The following NUDT12 variants were observed in gnomAD, a reference collection of about 807,000 sequenced individuals.
NUDT12 encodes nudix hydrolase 12.
In NUDT12, 42 loss-of-function variants were observed where a neutral mutation model predicts 45.7. That is an observed-to-expected ratio of 0.92 (90% CI 0.72 to 1.19). NUDT12 has a LOEUF of 1.19. Among genes scored for constraint, NUDT12 ranks in the 50% most tolerant of loss-of-function variants. The pLI is 0.00. For synonymous variants in NUDT12, 206 were observed against 179.7 expected, an observed-to-expected ratio of 1.15 and a Z score of -1.17; for missense variants, 590 against 533.1, an observed-to-expected ratio of 1.11 and a Z score of -1.05.
chr5:103,552,332 T>G lies in NUDT12; in HGVS notation c.1163A>C (p.Gln388Pro). 6.2e-7 allele frequency: 1 copy of G among 1,613,956 alleles called. No individual in the cohort carries two copies. Among genetic ancestry groups the G allele is most frequent in the Non-Finnish European group, 8.5e-7 (1 of 1,179,888 alleles). Residue 388 changes from glutamine to proline, a missense_variant, in exon 6 of 7, where the codon CAA becomes CCA. By Grantham distance (76) the Gln-to-Pro change is moderately conservative. Coordinates refer to ENST00000230792, the MANE Select transcript of NUDT12 (RefSeq NM_031438.4). Reference protein sequence around the residue: ...KVGHVQYVACQPWPMPSSLMI... With the variant: ...KVGHVQYVACPPWPMPSSLMI... The stretch of plus-strand genomic sequence containing the variant: ...TAAGGAGGAAGGCATTGGCCATGGT[T>G]GACAAGCAACATACTGAACATGGCC...
intron 3 of NUDT12, among the ~76,000 whole-genome samples, 189 bp from the exon 4 acceptor site, chr5:103,556,287 T>G (rs1232689114): frequency 6.7e-6 from 1 of 148,640 alleles, no homozygotes; most frequent in Non-Finnish European, 1.5e-5. Context: ...AATTAGATTT[T>G]TTTGTTTGAA....
chr5:103,558,453 G>A (rs1034470911), intron 3 of NUDT12, among the ~76,000 whole-genome samples: 4 of 152,028 alleles, frequency 2.6e-5, no homozygotes, highest in Admixed American at 1.3e-4. Flanking sequence ...CAGCCAGTGT[G>A]CAGTGTCTTT....
chr5:103,558,971 A>G lies in NUDT12; in HGVS notation c.704T>C (p.Ile235Thr). 4 of 1,613,430 alleles carry G rather than the reference A, an allele frequency of 2.5e-6. No individual in the cohort carries two copies. Among genetic ancestry groups the G allele is most frequent in the Middle Eastern group, 1.6e-4 (1 of 6,062 alleles). Residue 235 changes from isoleucine (I) to threonine (T), a missense_variant, in exon 3 of 7, where the codon ATT becomes ACT. Transcript: ENST00000230792. The part of the protein sequence containing the change: ...VAWFALGIDP[I>T]AAEEFKQRHE... ...TCTTTGCTTGAATTCTTCAGCAGCA[A>G]TAGGATCTATACCTAGAGCAAACCA...
intron 5 of NUDT12, 116 bp from the exon 6 acceptor site, chr5:103,552,532 A>G: frequency 1.4e-6 from 1 of 719,686 alleles, no homozygotes; most frequent in Non-Finnish European, 2.3e-6. Flanking sequence ...GCAAATAATC[A>G]GAAAGCAGAA....
At position 103,552,358 on chromosome 5, in the gene NUDT12, A is replaced by G. The variant is rs530772525; in HGVS notation, c.1137T>C (p.Val379=). 5.0e-6 allele frequency: 8 copies of G among 1,613,970 alleles called. No homozygotes were observed. The East Asian group carries it at 6.7e-5, about 13-fold the overall frequency. ...REVEEESGVK[V]GHVQYVACQP... is the part of the protein sequence containing the mutation. The stretch of plus-strand genomic sequence containing the variant: ...GACAAGCAACATACTGAACATGGCC[A>G]ACTTTGACTCCACTTTCCTCTTCTA... Residue 379 remains valine, a synonymous_variant, in exon 6 of 7, where the codon GTT becomes GTC. Coordinates refer to ENST00000230792, the MANE Select transcript of NUDT12 (RefSeq NM_031438.4).
intron 3 of NUDT12, among the ~76,000 whole-genome samples, chr5:103,556,807 G>A (rs1306206667): frequency 6.6e-6 from 1 of 152,014 alleles, no homozygotes; most frequent in African/African-American, 2.4e-5. Flanking sequence ...TATGTTAAAT[G>A]CTTGACAAAG....
At chr5:103,551,142 AG>A (rs1748643600) in intron 6 of NUDT12, among the ~76,000 whole-genome samples, 171 bp from the exon 7 acceptor site, 1 of 151,990 alleles carries the variant, frequency 6.6e-6, no homozygotes. Context: ...TTTGGAAACA[AG>A]GTCTTGCACT....
rs1491335747 is a variant in NUDT12, at chr5:103,557,280, G to GGTGTATATATATATATATATATAT, written c.797-1183_797-1182insATATATATATATATATATATACAC. 9.2e-5 allele frequency among the ~76,000 whole-genome samples: 11 copies of GGTGTATATATATATATATATATAT among 118,932 alleles called. No individual in the cohort carries two copies. The South Asian group carries it at 1.9e-3, about 21-fold the overall frequency. The allele number at this position is 118,932 out of a possible 152,430, so 78.0% of individuals were successfully genotyped here. A position where few individuals can be genotyped will look rare whatever the true frequency, so the allele number is the denominator to read the frequency against. ...TATCAGATCTTTTTGATCTTAAAAT[G>GGTGTATATATATATATATATATAT]ATATATATATATATATATATATATG... On this transcript the variant is annotated intron_variant, in intron 3 of 6. Transcript: ENST00000230792.
chr5:103,549,477 ATT>A lies in NUDT12; in HGVS notation c.*1382_*1383del, dbSNP rs1562615093. The A allele has an allele frequency of 6.6e-6, 1 of 151,760 alleles. No individual in the cohort carries two copies. Among genetic ancestry groups the A allele is most frequent in the Non-Finnish European group, 1.5e-5 (1 of 67,852 alleles). The allele number at this position is 151,760 out of a possible 1,614,324, so 9.4% of individuals were successfully genotyped here. A position where few individuals can be genotyped will look rare whatever the true frequency, so the allele number is the denominator to read the frequency against. On this transcript the variant is annotated 3_prime_UTR_variant, in exon 7 of 7. Coordinates refer to ENST00000230792, the MANE Select transcript of NUDT12 (RefSeq NM_031438.4). ...TTTATTCTTATCATTCCTTCTTTTA[ATT>A]TTGTCTATATATATTTTTAGTAATA... is the stretch of plus-strand genomic sequence containing the variant.
At chr5:103,560,394 T>TA (rs1748997053) in intron 1 of NUDT12, 140 bp from the exon 2 acceptor site, 1 of 618,078 alleles carries the variant, frequency 1.6e-6, no homozygotes, top group African/African-American at 1.8e-5. Context: ...TTAAACAGCA[T>TA]ACATTTCAAT....
At position 103,559,146 on chromosome 5, in the gene NUDT12, A is replaced by G; in HGVS notation, c.529T>C (p.Cys177Arg). ...TTTATATCTGTGTAGTTCAGCTGAC[A>G]AAGCCTAACTTCTGGCTGTTGGAAA... Reference protein sequence around the residue: ...ESFQQPEVRLCQLNYTDIKDY... With the variant: ...ESFQQPEVRLRQLNYTDIKDY... The change falls in exon 3 of 7, where the codon TGT becomes CGT. Residue 177 changes from cysteine (C) to arginine (R), a missense_variant. Coordinates refer to ENST00000230792, the MANE Select transcript of NUDT12 (RefSeq NM_031438.4). The G allele has an allele frequency of 3.2e-6, 5 of 1,574,902 alleles. No individual in the cohort carries two copies. Among genetic ancestry groups the G allele is most frequent in the Non-Finnish European group, 4.3e-6 (5 of 1,163,266 alleles).
chr5:103,557,936 A>C (rs1160733135), intron 3 of NUDT12, among the ~76,000 whole-genome samples: 1 of 151,886 alleles, frequency 6.6e-6, no homozygotes, highest in Non-Finnish European at 1.5e-5. Context: ...TCCATTTCTA[A>C]AACTTAGTAT....
rs139333365 is a variant in NUDT12, at chr5:103,555,954, T to C, written c.941A>G (p.His314Arg). The C allele has an allele frequency of 9.4e-6, 15 of 1,603,672 alleles. No homozygotes were observed. The highest frequency in any genetic ancestry group is 3.4e-5 in the South Asian group (3 of 88,682). The change falls in exon 4 of 7, where the codon CAT becomes CGT. Residue 314 changes from histidine (H) to arginine (R), a missense_variant. His to Arg is a conservative substitution (Grantham distance 29, BLOSUM62 0). Coordinates refer to ENST00000230792, the MANE Select transcript of NUDT12 (RefSeq NM_031438.4). ...ACCAACTCTTGGGTATGAGGTATTA[T>C]GGACGCCATTGAGACTAGGACAGTC... ...KEDCPSLNGV[H>R]NTSYPRVDPV...
At position 103,549,527 on chromosome 5, in the gene NUDT12, A is replaced by G. The variant is rs951596877; in HGVS notation, c.*1334T>C. 2 of 151,860 alleles carry G rather than the reference A, an allele frequency of 1.3e-5. No homozygotes were observed. The highest frequency in any genetic ancestry group is 2.4e-5 in the African/African-American group (1 of 41,400). 9.4% of individuals were successfully genotyped at this position (151,860 alleles called of 1,614,324 possible). ...ATAGCTTCTAGTTCCTTTTACAGGG[A>G]GAATCGTCCTCTGCATTATATAGTA... On this transcript the variant is annotated 3_prime_UTR_variant, in exon 7 of 7. Coordinates refer to ENST00000230792, the MANE Select transcript of NUDT12 (RefSeq NM_031438.4).
rs1456294696 is a variant in NUDT12, at chr5:103,554,787, C to A, written c.1031G>T (p.Arg344Ile). ...GCAAGTAAACATGCCTGGGGGAAAT[C>A]TTTTCTGCCTGCCTAAAAGGCATTT... ...GTKCLLGRQK[R>I]FPPGMFTCLA... is the part of the protein sequence containing the mutation. The change falls in exon 5 of 7, where the codon AGA (arginine) becomes ATA (isoleucine). Residue 344 changes from arginine to isoleucine, a missense_variant. Transcript: ENST00000230792. 1 of 1,559,410 alleles carries A rather than the reference C, an allele frequency of 6.4e-7. No individual in the cohort carries two copies. The highest frequency in any genetic ancestry group is 8.7e-7 in the Non-Finnish European group (1 of 1,148,600).
In NUDT12 at chr5:103,559,342, C is replaced by A. The variant is rs776242702; in HGVS notation, c.333G>T (p.Thr111=). The change falls in exon 3 of 7, where the codon ACG becomes ACT. Residue 111 remains threonine (T), a synonymous_variant. Coordinates refer to ENST00000230792, the MANE Select transcript of NUDT12 (RefSeq NM_031438.4). ...AKGGKKPWFL[T]NEVEECENYF... is the part of the protein sequence containing the mutation. ...AATTTTCACATTCTTCCACTTCATT[C>A]GTTAGGAACCAAGGCTTCTTCCCAC... 6.2e-7 allele frequency: 1 copy of A among 1,613,368 alleles called. No homozygotes were observed. Among genetic ancestry groups the A allele is most frequent in the East Asian group, 2.2e-5 (1 of 44,866 alleles).
chr5:103,559,231 T>C lies in NUDT12; in HGVS notation c.444A>G (p.Thr148=), dbSNP rs1396673947. The C allele has an allele frequency of 3.8e-6, 6 of 1,570,050 alleles. No homozygotes were observed. Among genetic ancestry groups the C allele is most frequent in the East Asian group, 2.2e-5 (1 of 44,516 alleles). The change falls in exon 3 of 7, where the codon ACA becomes ACG. Residue 148 remains threonine, a synonymous_variant. Coordinates refer to ENST00000230792, the MANE Select transcript of NUDT12 (RefSeq NM_031438.4). ...TTAAATCTGAGAAAAGAATAAAAAC[T>C]GTGGCTGGATGGCTTTCTTTAGCTA... The part of the protein sequence containing the change: ...WLLAKESHPA[T]VFILFSDLNP...
intron 3 of NUDT12, among the ~76,000 whole-genome samples, chr5:103,557,550 A>G (rs896452966): frequency 2.0e-5 from 3 of 150,738 alleles, no homozygotes; most frequent in African/African-American, 7.3e-5. Flanking sequence ...AAGTTCATCA[A>G]TAGCTTCATA....
At chr5:103,555,722 G>T (rs1748793198) in intron 4 of NUDT12, among the ~76,000 whole-genome samples, 1 of 151,966 alleles carries the variant, frequency 6.6e-6, no homozygotes, top group Non-Finnish European at 1.5e-5. Flanking sequence ...TCAAATTATA[G>T]TGAGTAACCC....
Sources: gnomAD v4.1 joint callset for allele counts (sites outside exome capture counted in the v4.1 genomes callset) on GRCh38, gnomAD v4.1.1 for gene constraint, MANE v1.5 for transcripts, NCBI Gene and HGNC (gene_info 2026-07-23, HGNC 2026-07-21) for gene names.